Variants in ARMC9 observed in about 807,000 individuals in gnomAD.
The protein encoded by ARMC9 is armadillo repeat containing 9, also known as lisH domain-containing protein ARMC9.
A neutral mutation model predicts 107.0 loss-of-function variants in ARMC9; 94 were observed. The ratio of observed to expected loss-of-function variants is 0.88; its 90% CI spans 0.74 to 1.04. The LOEUF (loss-of-function observed/expected upper bound fraction) is 1.04. ARMC9 is among the 50% of genes least tolerant of loss of function. The pLI is 0.00. For missense variants in ARMC9, 942 were observed against 1,030.1 expected (o/e 0.91, Z 1.17); for synonymous variants, 380 against 396.9 (o/e 0.96, Z 0.51).
chr2:231,286,267 C>T (rs1213657633), intron 17 of ARMC9, among the ~76,000 whole-genome samples: 1 of 152,164 alleles, frequency 6.6e-6, no homozygotes, highest in East Asian at 1.9e-4. Context: ...AGGTGCCCAC[C>T]ACCATGCCCG....
At chr2:231,337,290 ATTTTTTTTTTTTTT>A (rs58078324) in intron 20 of ARMC9, among the ~76,000 whole-genome samples, 3 of 38,018 alleles carry the variant, frequency 7.9e-5, no homozygotes, top group African/African-American at 3.7e-4. Context: ...ATATATATAT[ATTTTTTTTTTTTTT>A]TTTTTTTTTT....
intron 20 of ARMC9, among the ~76,000 whole-genome samples, chr2:231,343,387 C>G (rs2044634382): frequency 1.3e-5 from 2 of 151,072 alleles, no homozygotes; most frequent in Non-Finnish European, 2.9e-5. Flanking sequence ...TTCCAATGTT[C>G]AAGAAGTTTG....
chr2:231,323,081 C>T (rs7604719), intron 19 of ARMC9, among the ~76,000 whole-genome samples: 35,155 of 151,872 alleles, frequency 0.23, 8,135 homozygotes, highest in African/African-American at 0.57. Flanking sequence ...CCCAGCACTT[C>T]AGGAGGCTAA....
chr2:231,214,768 G>A, intron 3 of ARMC9, 63 bp from the exon 4 acceptor site: 1 of 1,531,426 alleles, frequency 6.5e-7, no homozygotes. Context: ...TGTTGAGTGG[G>A]TTGTGAGAAT....
intron 6 of ARMC9, among the ~76,000 whole-genome samples, chr2:231,224,062 A>G (rs2034416979): frequency 6.6e-6 from 1 of 152,208 alleles, no homozygotes; most frequent in Non-Finnish European, 1.5e-5. Context: ...GCTCAGCTTA[A>G]TAATTATGGG....
At position 231,371,862 on chromosome 2, in the gene ARMC9, G is replaced by A. The variant is rs371451042; in HGVS notation, c.*327G>A. On this transcript the variant is annotated 3_prime_UTR_variant, in exon 25 of 25. Coordinates refer to ENST00000611582, the MANE Select transcript of ARMC9 (RefSeq NM_001352754.2). ...AGGAGATCTTCTGGCCCCAGAAACAGCAGGTGCTGGATTTGCAGCCCTGGC... is the reference window on the plus strand; with the variant it reads ...AGGAGATCTTCTGGCCCCAGAAACAACAGGTGCTGGATTTGCAGCCCTGGC... 172 of 284,216 alleles carry A rather than the reference G, an allele frequency of 6.1e-4. 1 individual carries two copies. The highest frequency in any genetic ancestry group is 9.3e-4 in the Non-Finnish European group (143 of 153,250). The allele number at this position is 284,216 out of a possible 1,614,324, so 17.6% of individuals were successfully genotyped here.
intron 22 of ARMC9, among the ~76,000 whole-genome samples, chr2:231,357,555 C>T (rs575879651): frequency 4.0e-5 from 6 of 150,670 alleles, no homozygotes; most frequent in Non-Finnish European, 8.8e-5. Context: ...ACCCCTAGTC[C>T]TCCTTTTATT....
At chr2:231,292,921 C>A (rs893473772) in intron 18 of ARMC9, among the ~76,000 whole-genome samples, 2 of 152,202 alleles carry the variant, frequency 1.3e-5, no homozygotes, top group Non-Finnish European at 2.9e-5. Flanking sequence ...CTGTACCCCA[C>A]ACAAATTAAA....
chr2:231,318,290 A>G (rs2042813523), intron 19 of ARMC9, among the ~76,000 whole-genome samples: 1 of 152,022 alleles, frequency 6.6e-6, no homozygotes, highest in Admixed American at 6.6e-5. Flanking sequence ...GTTGATTGGG[A>G]TGGAAATTGT....
At chr2:231,300,498 G>A (rs1176262762) in intron 19 of ARMC9, among the ~76,000 whole-genome samples, 1 of 152,244 alleles carries the variant, frequency 6.6e-6, no homozygotes, top group African/African-American at 2.4e-5. Context: ...CCTGCTGGCA[G>A]TGCCGGGTGC....
At chr2:231,314,191 T>G (rs1173362529) in intron 19 of ARMC9, among the ~76,000 whole-genome samples, 2 of 151,952 alleles carry the variant, frequency 1.3e-5, no homozygotes, top group African/African-American at 2.4e-5. Flanking sequence ...GTGATTCTCC[T>G]GCCTCACCCT....
At chr2:231,265,298 GCACA>G (rs932968619) in intron 12 of ARMC9, among the ~76,000 whole-genome samples, 4 of 152,240 alleles carry the variant, frequency 2.6e-5, no homozygotes, top group African/African-American at 9.6e-5. Flanking sequence ...AAAGACACAT[GCACA>G]CACACGTTTT....
At chr2:231,218,897 A>G (rs1279815835) in intron 5 of ARMC9, among the ~76,000 whole-genome samples, 1 of 151,896 alleles carries the variant, frequency 6.6e-6, no homozygotes, top group Non-Finnish European at 1.5e-5. Context: ...GATTATAGGC[A>G]CACGCCACCA....
At chr2:231,295,222 G>A (rs550256703) in intron 18 of ARMC9, 2 of 151,060 alleles carry the variant, frequency 1.3e-5, no homozygotes, top group South Asian at 2.1e-4. Flanking sequence ...GAAAGATGTA[G>A]TAGGGATAGA....
At chr2:231,240,093 A>G in intron 9 of ARMC9, 52 bp downstream of exon 9, 1 of 1,409,938 alleles carries the variant, frequency 7.1e-7, no homozygotes, top group South Asian at 1.2e-5. Context: ...CCCCAAATTT[A>G]AAAAGAATGT....
chr2:231,247,610 C>T (rs2036896368), intron 9 of ARMC9, among the ~76,000 whole-genome samples: 2 of 152,236 alleles, frequency 1.3e-5, no homozygotes, highest in Admixed American at 6.5e-5. Flanking sequence ...GTTGCATACC[C>T]AGACCAACCT....
intron 20 of ARMC9, among the ~76,000 whole-genome samples, chr2:231,337,476 T>TAGTAGAGACAGGGA (rs1559481926): frequency 7.7e-6 from 1 of 130,470 alleles, no homozygotes; most frequent in Non-Finnish European, 1.6e-5. Flanking sequence ...TTTGTTTTTT[T>TAGTAGAGACAGGGA]TTTTTTTTTT....
chr2:231,257,727 G>A (rs1371671000), intron 10 of ARMC9, among the ~76,000 whole-genome samples: 1 of 152,092 alleles, frequency 6.6e-6, no homozygotes, highest in African/African-American at 2.4e-5. Context: ...TTATTGTGAG[G>A]ATCAAAATTA....
At chr2:231,253,775 T>G (rs2037511222) in intron 9 of ARMC9, among the ~76,000 whole-genome samples, 1 of 152,078 alleles carries the variant, frequency 6.6e-6, no homozygotes, top group Admixed American at 6.5e-5. Context: ...AGGATAGATG[T>G]ATACCTAGCA....
Sources: gnomAD v4.1 joint callset for allele counts (sites outside exome capture counted in the v4.1 genomes callset) on GRCh38, gnomAD v4.1.1 for gene constraint, MANE v1.5 for transcripts, NCBI Gene and HGNC (gene_info 2026-07-23, HGNC 2026-07-21) for gene names.